Variants in MCTP1 observed in about 807,000 individuals in gnomAD.
The protein encoded by MCTP1 is multiple C2 and transmembrane domain-containing protein 1.
In MCTP1, 69 loss-of-function variants were observed where a neutral mutation model predicts 120.6. The ratio of observed to expected loss-of-function variants is 0.57; its 90% CI spans 0.47 to 0.70. MCTP1 has a LOEUF of 0.70. MCTP1 is among the 30% of genes least tolerant of loss of function. The pLI is 0.00. For missense variants in MCTP1, 1,203 were observed against 1,248.8 expected (o/e 0.96, Z 0.55); for synonymous variants, 529 against 493.1 (o/e 1.07, Z -0.96).
chr5:94,856,613 C>T (rs937546247), intron 17 of MCTP1, among the ~76,000 whole-genome samples: 5 of 151,562 alleles, frequency 3.3e-5, no homozygotes, highest in Admixed American at 2.6e-4. Flanking sequence ...AAAATAATTA[C>T]AGCAGCAAAC....
At chr5:95,069,648 AG>A (rs1751598610) in intron 1 of MCTP1, among the ~76,000 whole-genome samples, 1 of 151,778 alleles carries the variant, frequency 6.6e-6, no homozygotes, top group Admixed American at 6.6e-5. Context: ...TTAGGCTCAC[AG>A]GGATGTCAAG....
At chr5:95,116,756 C>T (rs1000556462) in intron 1 of MCTP1, among the ~76,000 whole-genome samples, 1 of 152,038 alleles carries the variant, frequency 6.6e-6, no homozygotes, top group Non-Finnish European at 1.5e-5. Flanking sequence ...CTTCACTTCC[C>T]TTGTTAGCTG....
intron 12 of MCTP1, among the ~76,000 whole-genome samples, chr5:94,882,419 A>G (rs1581173525): frequency 2.0e-5 from 3 of 151,814 alleles, no homozygotes; most frequent in East Asian, 1.9e-4. Flanking sequence ...CTCTGTAGTA[A>G]GTTTTTTTTT....
intron 2 of MCTP1, among the ~76,000 whole-genome samples, chr5:94,961,380 C>T (rs1259491425): frequency 6.6e-6 from 1 of 151,780 alleles, no homozygotes; most frequent in East Asian, 1.9e-4. Flanking sequence ...CAAATCTGCA[C>T]GTTCTGAACA....
chr5:95,268,594 G>A (rs939276434), intron 1 of MCTP1, among the ~76,000 whole-genome samples: 3 of 152,140 alleles, frequency 2.0e-5, no homozygotes, highest in Non-Finnish European at 4.4e-5. Context: ...TTAAAAGCTT[G>A]GGGTATAGAT....
chr5:94,977,225 C>G (rs1828318353), intron 2 of MCTP1, among the ~76,000 whole-genome samples: 2 of 151,902 alleles, frequency 1.3e-5, no homozygotes, highest in Admixed American at 6.6e-5. Context: ...TCTACATTAT[C>G]CCTCAAAATA....
chr5:94,998,883 G>C (rs115423556), intron 2 of MCTP1, among the ~76,000 whole-genome samples: 305 of 152,236 alleles, frequency 2.0e-3, no homozygotes, highest in African/African-American at 7.1e-3. Flanking sequence ...TGATGAATAC[G>C]CACATAAGAT....
At chr5:94,976,198 C>T (rs1335530185) in intron 2 of MCTP1, among the ~76,000 whole-genome samples, 1 of 152,124 alleles carries the variant, frequency 6.6e-6, no homozygotes, top group Non-Finnish European at 1.5e-5. Context: ...TTTCTACTTC[C>T]CCAAGCTATG....
At chr5:94,742,173 G>A (rs1765672865) in intron 19 of MCTP1, among the ~76,000 whole-genome samples, 1 of 152,072 alleles carries the variant, frequency 6.6e-6, no homozygotes, top group African/African-American at 2.4e-5. Flanking sequence ...TAGCCCAATA[G>A]CAGAAAGTGA....
intron 1 of MCTP1, among the ~76,000 whole-genome samples, chr5:95,142,862 A>G (rs1190035639): frequency 5.9e-5 from 9 of 152,162 alleles, no homozygotes. Flanking sequence ...ATGGGAGGAG[A>G]TAAACTATGT....
intron 7 of MCTP1, among the ~76,000 whole-genome samples, chr5:94,920,483 C>T (rs1218628557): frequency 6.6e-6 from 1 of 152,094 alleles, no homozygotes; most frequent in Non-Finnish European, 1.5e-5. Context: ...TGGCTCACGC[C>T]TGTAATCCCA....
chr5:94,849,426 T>C (rs1439271054), intron 17 of MCTP1, among the ~76,000 whole-genome samples: 1 of 152,152 alleles, frequency 6.6e-6, no homozygotes, highest in Admixed American at 6.6e-5. Context: ...CGTTTATTTC[T>C]TCTGCCTAAA....
intron 1 of MCTP1, among the ~76,000 whole-genome samples, chr5:95,120,935 C>A (rs1203536291): frequency 6.6e-6 from 1 of 152,062 alleles, no homozygotes; most frequent in Non-Finnish European, 1.5e-5. Context: ...TTGGAAAAAC[C>A]TAAAGACTTC....
intron 1 of MCTP1, among the ~76,000 whole-genome samples, chr5:95,210,937 T>G (rs1279621773): frequency 6.6e-6 from 1 of 152,082 alleles, no homozygotes; most frequent in Non-Finnish European, 1.5e-5. Context: ...CTTATGAAGC[T>G]TAGTTTGGCT....
intron 17 of MCTP1, among the ~76,000 whole-genome samples, chr5:94,814,265 A>G (rs1189242148): frequency 2.6e-5 from 4 of 152,232 alleles, no homozygotes; most frequent in Non-Finnish European, 4.4e-5. Flanking sequence ...AAAGTGCTAA[A>G]CTTTTGTGGG....
chr5:95,047,590 G>T (rs779925579), intron 1 of MCTP1, among the ~76,000 whole-genome samples: 2 of 152,106 alleles, frequency 1.3e-5, no homozygotes, highest in Non-Finnish European at 2.9e-5. Flanking sequence ...TAATAAAGAA[G>T]ATGAAAGGCC....
intron 2 of MCTP1, among the ~76,000 whole-genome samples, chr5:94,999,570 T>G (rs1200408815): frequency 6.6e-6 from 1 of 152,332 alleles, no homozygotes; most frequent in East Asian, 1.9e-4. Context: ...CCTTTTATTT[T>G]TCATGGCAAT....
chr5:94,805,849 T>C (rs917733685), intron 17 of MCTP1, among the ~76,000 whole-genome samples: 4 of 145,948 alleles, frequency 2.7e-5, no homozygotes, highest in Non-Finnish European at 6.0e-5. Flanking sequence ...TAGTATGCTG[T>C]TCCCACGAAG....
chr5:95,236,847 G>A (rs1034141073), intron 1 of MCTP1, among the ~76,000 whole-genome samples: 7 of 152,206 alleles, frequency 4.6e-5, no homozygotes, highest in African/African-American at 9.6e-5. Flanking sequence ...GATGGCAGAA[G>A]AGAATTATGA....
Sources: gnomAD v4.1 joint callset for allele counts (sites outside exome capture counted in the v4.1 genomes callset) on GRCh38, gnomAD v4.1.1 for gene constraint, MANE v1.5 for transcripts, NCBI Gene and HGNC (gene_info 2026-07-23, HGNC 2026-07-21) for gene names.